LARGE1: variants seen among roughly 807,000 people sequenced by gnomAD.
The protein encoded by LARGE1 is LARGE xylosyl- and glucuronyltransferase 1, also known as xylosyl- and glucuronyltransferase LARGE1.
Under a neutral mutation model 87.6 loss-of-function variants are expected in LARGE1, and 43 were observed. That is an observed-to-expected ratio of 0.49 (90% confidence interval 0.38 to 0.63). The LOEUF (loss-of-function observed/expected upper bound fraction) is 0.63. LARGE1 is among the 30% of genes least tolerant of loss of function. The pLI, the probability that LARGE1 is intolerant of heterozygous loss-of-function variation, is 0.00. For synonymous variants in LARGE1, 434 were observed against 394.6 expected, an observed-to-expected ratio of 1.10 and a Z score of -1.18; for missense variants, 802 against 1,000.2, an observed-to-expected ratio of 0.80 and a Z score of 2.67.
intron 13 of LARGE1, among the ~76,000 whole-genome samples, chr22:33,280,391 G>A (rs1212964931): frequency 6.7e-6 from 1 of 148,320 alleles, no homozygotes; most frequent in African/African-American, 2.5e-5. Flanking sequence ...CAGATATGAT[G>A]TCAATTCCTG....
At chr22:33,684,207 G>C (rs2081874342) in intron 2 of LARGE1, among the ~76,000 whole-genome samples, 1 of 152,142 alleles carries the variant, frequency 6.6e-6, no homozygotes, top group African/African-American at 2.4e-5. Flanking sequence ...AAGGAACACT[G>C]TTGTGTGACT....
At chr22:33,836,915 A>G (rs8142645) in intron 1 of LARGE1, among the ~76,000 whole-genome samples, 4,677 of 152,294 alleles carry the variant, frequency 0.031, 109 homozygotes, top group Non-Finnish European at 0.044. Flanking sequence ...GCCAGTTCAG[A>G]TAATAGCAGT....
intron 6 of LARGE1, among the ~76,000 whole-genome samples, chr22:33,534,290 G>T (rs1351065606): frequency 6.6e-6 from 1 of 152,140 alleles, no homozygotes; most frequent in African/African-American, 2.4e-5. Context: ...TGTAGTCCCA[G>T]CTACTCGGGA....
At chr22:33,130,798 C>T in the LARGE1 span, among the ~76,000 whole-genome samples, 148 of 152,090 alleles carry the variant, frequency 9.7e-4, no homozygotes, top group African/African-American at 3.5e-3. Flanking sequence ...GTAATCCCAG[C>T]ACTTTGGGAG....
intron 1 of LARGE1, among the ~76,000 whole-genome samples, chr22:33,914,599 T>TGA (rs1430897482): frequency 1.3e-5 from 2 of 152,188 alleles, no homozygotes; most frequent in African/African-American, 4.8e-5. Context: ...AAAATGGCTA[T>TGA]GACCAATCAC....
chr22:33,511,830 T>G (rs1340877395), intron 6 of LARGE1, among the ~76,000 whole-genome samples: 20 of 152,238 alleles, frequency 1.3e-4, no homozygotes, highest in Admixed American at 1.3e-3. Flanking sequence ...CAGCCTTTCC[T>G]CCTTTGATTC....
intron 10 of LARGE1, among the ~76,000 whole-genome samples, chr22:33,325,016 A>G (rs1404453355): frequency 6.6e-6 from 1 of 152,218 alleles, no homozygotes; most frequent in Non-Finnish European, 1.5e-5. Context: ...GAAGACATCC[A>G]TCATCTGAAA....
intron 2 of LARGE1, among the ~76,000 whole-genome samples, chr22:33,668,913 C>T (rs530536852): frequency 7.2e-5 from 11 of 152,340 alleles, no homozygotes; most frequent in East Asian, 5.8e-4. Context: ...GATCCTCCCT[C>T]GCAATAATGG....
rs1344956306 is a variant in LARGE1 at position 33,578,328 on chromosome 22, CAAAGG to C, written c.616-13314_616-13310del. On this transcript the variant is annotated intron_variant, in intron 5 of 14. Transcript: ENST00000397394. Reference sequence around the variant, plus strand: ...TCCACTTGGGGATTTGGCTACTGATCAAAGGAATTCCTAATGCTCTAAATCCCCTT... The same window carrying C: ...TCCACTTGGGGATTTGGCTACTGATCAATTCCTAATGCTCTAAATCCCCTT... Among the ~76,000 whole-genome samples the C allele has an allele frequency of 3.3e-5, 5 of 152,164 alleles. No individual in the cohort carries two copies. In the East Asian group the frequency reaches 7.7e-4, roughly 24 times the overall value.
intron 6 of LARGE1, among the ~76,000 whole-genome samples, chr22:33,472,792 C>T (rs765898926): frequency 5.3e-5 from 8 of 152,206 alleles, no homozygotes; most frequent in Non-Finnish European, 1.2e-4. Context: ...GAGGGAAGAT[C>T]GTACTCCACT....
At chr22:33,831,024 C>T (rs1300302176) in intron 1 of LARGE1, among the ~76,000 whole-genome samples, 1 of 152,120 alleles carries the variant, frequency 6.6e-6, no homozygotes, top group Non-Finnish European at 1.5e-5. Flanking sequence ...ATTTGGTCCA[C>T]AGCAATGTAG....
At chr22:33,912,766 GAAC>G (rs1601904540) in intron 1 of LARGE1, among the ~76,000 whole-genome samples, 1 of 100,882 alleles carries the variant, frequency 9.9e-6, no homozygotes, top group East Asian at 3.0e-4. Flanking sequence ...GATAAAGGAA[GAAC>G]AACAATGAAA....
chr22:33,583,556 T>A (rs993248220), intron 5 of LARGE1, among the ~76,000 whole-genome samples: 2 of 152,112 alleles, frequency 1.3e-5, no homozygotes, highest in Non-Finnish European at 2.9e-5. Context: ...ACCCGATAAA[T>A]AAGAAAATTA....
chr22:33,909,530 T>TTTTTTTG (rs1555891768), intron 1 of LARGE1, among the ~76,000 whole-genome samples: 4 of 151,004 alleles, frequency 2.6e-5, no homozygotes, highest in African/African-American at 7.4e-5. Flanking sequence ...TTGTTTTTTT[T>TTTTTTTG]TTTTTGTTTT....
At chr22:33,210,222 C>T (rs2032484) in intron 11 of LARGE1, among the ~76,000 whole-genome samples, 18,148 of 152,304 alleles carry the variant, frequency 0.12, 1,239 homozygotes, top group South Asian at 0.23. Context: ...CCCTACCAGC[C>T]GCCCTCCCGG....
At position 33,272,531 on chromosome 22, in the gene LARGE1, TATAC is replaced by T. The variant is rs1928356986; in HGVS notation, c.*1892_*1895del. On this transcript the variant is annotated 3_prime_UTR_variant, in exon 15 of 15. Transcript: ENST00000397394. ...TACTTTCAAAATTTTTGTTCTGCTTTATACATATATGTCACTTTTTATTTATAAA... is the reference window on the plus strand; with the variant it reads ...TACTTTCAAAATTTTTGTTCTGCTTTATATATGTCACTTTTTATTTATAAA... Among the ~76,000 whole-genome samples, 3 of 152,246 alleles carry T rather than the reference TATAC, an allele frequency of 2.0e-5. No individual in the cohort carries two copies. Among genetic ancestry groups the T allele is most frequent in the Admixed American group, 2.0e-4 (3 of 15,294 alleles).
At chr22:33,315,466 C>T (rs1034506882) in intron 11 of LARGE1, among the ~76,000 whole-genome samples, 53 of 152,142 alleles carry the variant, frequency 3.5e-4, no homozygotes, top group Admixed American at 3.3e-3. Flanking sequence ...ATTGTAGCTC[C>T]AGTCTCCCCA....
At chr22:33,351,251 A>G (rs1940346276) in intron 9 of LARGE1, among the ~76,000 whole-genome samples, 1 of 152,238 alleles carries the variant, frequency 6.6e-6, no homozygotes. Flanking sequence ...CATAACAGAG[A>G]AAAGCAAAGG....
intron 1 of LARGE1, among the ~76,000 whole-genome samples, chr22:33,817,730 A>G (rs531406179): frequency 4.3e-4 from 66 of 152,306 alleles, no homozygotes; most frequent in African/African-American, 1.5e-3. Flanking sequence ...CATCACAGAC[A>G]GGCTCTCACC....
Sources: gnomAD v4.1 joint callset for allele counts (sites outside exome capture counted in the v4.1 genomes callset) on GRCh38, gnomAD v4.1.1 for gene constraint, MANE v1.5 for transcripts, NCBI Gene and HGNC (gene_info 2026-07-23, HGNC 2026-07-21) for gene names.